TRAF2: variants seen among roughly 807,000 people sequenced by gnomAD.
TRAF2 encodes the protein TNF receptor-associated factor 2.
A neutral mutation model predicts 55.6 loss-of-function variants in TRAF2; 6 were observed. That is an observed-to-expected ratio of 0.11 (90% CI 0.06 to 0.21). TRAF2 has a LOEUF of 0.21. TRAF2 is among the 10% of genes least tolerant of loss of function. The probability of loss-of-function intolerance (pLI) is 1.00; values close to 1 mark genes in which losing one functional copy is unlikely to be tolerated. For missense variants in TRAF2, 561 were observed against 684.5 expected (o/e 0.82, Z 2.01); for synonymous variants, 329 against 276.3 (o/e 1.19, Z -1.89).
chr9:136,924,797 T>C (rs1850480895), intron 10 of TRAF2, among the ~76,000 whole-genome samples: 1 of 151,984 alleles, frequency 6.6e-6, no homozygotes, highest in Non-Finnish European at 1.5e-5. Flanking sequence ...TGGAGTGCAG[T>C]GGCATGATCT....
At chr9:136,909,520 T>C (rs1420536801) in intron 5 of TRAF2, among the ~76,000 whole-genome samples, 1 of 152,116 alleles carries the variant, frequency 6.6e-6, no homozygotes, top group Non-Finnish European at 1.5e-5. Context: ...TGCCAAGCCC[T>C]CCGCAGCAGC....
chr9:136,897,632 G>A (rs57888890), intron 1 of TRAF2, among the ~76,000 whole-genome samples: 1 of 89,444 alleles, frequency 1.1e-5, no homozygotes, highest in Non-Finnish European at 2.3e-5. Flanking sequence ...AGTGCACTAG[G>A]CAGCCCCAGG....
At chr9:136,887,547 C>T (rs1326960296) in intron 1 of TRAF2, among the ~76,000 whole-genome samples, 2 of 152,046 alleles carry the variant, frequency 1.3e-5, no homozygotes, top group African/African-American at 4.8e-5. Flanking sequence ...AGACGGGGCT[C>T]GGAGGAGGAG....
chr9:136,910,271 A>G (rs1267865884), intron 6 of TRAF2, among the ~76,000 whole-genome samples: 2 of 152,222 alleles, frequency 1.3e-5, no homozygotes, highest in Non-Finnish European at 1.5e-5. Flanking sequence ...TATCCTGAAA[A>G]TGAAACATTA....
chr9:136,920,160 C>T lies in TRAF2; in HGVS notation c.679-74C>T, dbSNP rs72761076. On this transcript the variant is annotated intron_variant, in intron 7 of 10. Coordinates refer to ENST00000247668, the MANE Select transcript of TRAF2 (RefSeq NM_021138.4). ...GTCTCCTCAGCTCAGCTGAGGCCCA[C>T]GTCTTGGTGGCCGTCCCCGGGTGGG... 7,143 of 1,493,026 alleles carry T rather than the reference C, an allele frequency of 4.8e-3. 16 individuals are homozygous for T. The highest frequency in any genetic ancestry group is 5.7e-3 in the Non-Finnish European group (6,368 of 1,123,238). The allele number at this position is 1,493,026 out of a possible 1,614,324, so 92.5% of individuals were successfully genotyped here.
At chr9:136,914,089 C>T (rs1204560703) in intron 6 of TRAF2, among the ~76,000 whole-genome samples, 1 of 152,220 alleles carries the variant, frequency 6.6e-6, no homozygotes, top group Non-Finnish European at 1.5e-5. Flanking sequence ...GCAGGAACCA[C>T]AGACGGGCAG....
intron 6 of TRAF2, among the ~76,000 whole-genome samples, chr9:136,916,280 C>T (rs1200645362): frequency 6.6e-6 from 1 of 152,166 alleles, no homozygotes; most frequent in Non-Finnish European, 1.5e-5. Context: ...CCATGTGACA[C>T]ACAAGCTGGG....
intron 1 of TRAF2, among the ~76,000 whole-genome samples, chr9:136,897,142 A>G (rs1849697935): frequency 6.6e-6 from 1 of 150,560 alleles, no homozygotes; most frequent in South Asian, 2.1e-4. Flanking sequence ...TAAGGAGAGC[A>G]GAGCCCAGTG....
rs1203551345 is a variant in TRAF2, at chr9:136,889,057, G to C, written c.-29+2516G>C. ...TTTTTTGTATTTTTAATGGAGACGG[G>C]GTTTCACCATGTTAGCCAGGGTGGT... On this transcript the variant is annotated intron_variant, in intron 1 of 10. Transcript: ENST00000247668. Among the ~76,000 whole-genome samples the C allele has an allele frequency of 5.9e-5, 9 of 152,174 alleles. No homozygotes were observed. In the East Asian group the frequency reaches 1.7e-3, roughly 29 times the overall value.
chr9:136,896,216 T>G (rs983686495), intron 1 of TRAF2, among the ~76,000 whole-genome samples: 2 of 151,940 alleles, frequency 1.3e-5, no homozygotes, highest in Non-Finnish European at 2.9e-5. Context: ...GGGCCGGGAC[T>G]GGGGACAGAG....
chr9:136,923,158 G>T (rs1478448849), intron 9 of TRAF2, among the ~76,000 whole-genome samples: 2 of 152,174 alleles, frequency 1.3e-5, no homozygotes, highest in South Asian at 4.1e-4. Flanking sequence ...TCTAGCCAGT[G>T]CCTCTTCTGA....
chr9:136,915,522 G>A (rs1046284550), intron 6 of TRAF2, among the ~76,000 whole-genome samples: 1 of 152,104 alleles, frequency 6.6e-6, no homozygotes, highest in African/African-American at 2.4e-5. Context: ...TTGACACAGC[G>A]TTCACGTTGT....
At chr9:136,909,328 A>G (rs1349995013) in intron 5 of TRAF2, among the ~76,000 whole-genome samples, 1 of 146,358 alleles carries the variant, frequency 6.8e-6, no homozygotes, top group African/African-American at 2.5e-5. Context: ...GTGTATCTGA[A>G]TCACGATCCA....
chr9:136,910,058 CCGTGGGTGGGGGTGG>C, intron 6 of TRAF2, 64 bp downstream of exon 6: 1 of 1,507,010 alleles, frequency 6.6e-7, no homozygotes, highest in Non-Finnish European at 9.1e-7. Context: ...CGTGAGGGTC[CCGTGGGTGGGGGTGG>C]GGCAGGTTAT....
chr9:136,906,370 A>ACAATCATG (rs1308565014), intron 4 of TRAF2, among the ~76,000 whole-genome samples: 4 of 152,310 alleles, frequency 2.6e-5, no homozygotes, highest in Non-Finnish European at 5.9e-5. Flanking sequence ...GGGAGGCCTC[A>ACAATCATG]CAATCATGGA....
chr9:136,920,550 AC>A (rs747335343), intron 8 of TRAF2, 35 bp downstream of exon 8: 4 of 1,585,346 alleles, frequency 2.5e-6, no homozygotes, highest in Non-Finnish European at 3.4e-6. Flanking sequence ...CATGAGGAGG[AC>A]AGTGTAAAGG....
chr9:136,886,546 G>A lies in TRAF2; in HGVS notation c.-29+5G>A. ...CGGGCGCGCTGCGACCGTTGGGTGA[G>A]GCGAGCGCGGGGTCGGGTGCGGGGT... On this transcript the variant is annotated splice_donor_5th_base_variant and intron_variant, in intron 1 of 10. Transcript: ENST00000247668. 2.0e-6 allele frequency: 2 copies of A among 987,366 alleles called. No individual in the cohort carries two copies. Among genetic ancestry groups the A allele is most frequent in the Non-Finnish European group, 1.2e-6 (1 of 831,610 alleles). The allele number at this position is 987,366 out of a possible 1,614,324, so 61.2% of individuals were successfully genotyped here.
chr9:136,897,113 C>T (rs1041745115), intron 1 of TRAF2, among the ~76,000 whole-genome samples: 1 of 152,196 alleles, frequency 6.6e-6, no homozygotes, highest in Non-Finnish European at 1.5e-5. Context: ...GAGAGAGAAA[C>T]CCACCTGGGG....
chr9:136,902,347 C>CT (rs1423737165), intron 4 of TRAF2: 2 of 152,408 alleles, frequency 1.3e-5, no homozygotes, highest in Admixed American at 6.5e-5. Flanking sequence ...AGTAGGGGTG[C>CT]TATGCGCCAT....
Sources: gnomAD v4.1 joint callset for allele counts (sites outside exome capture counted in the v4.1 genomes callset) on GRCh38, gnomAD v4.1.1 for gene constraint, MANE v1.5 for transcripts, NCBI Gene and HGNC (gene_info 2026-07-23, HGNC 2026-07-21) for gene names.